The following ZBTB46 variants were observed in gnomAD, a reference collection of about 807,000 sequenced individuals.
ZBTB46 encodes the protein zinc finger and BTB domain-containing protein 46.
Under a neutral mutation model 44.1 loss-of-function variants are expected in ZBTB46, and 8 were observed. The observed-to-expected ratio is 0.18, with a 90% CI of 0.11 to 0.33. ZBTB46 has a LOEUF of 0.33. Among genes scored for constraint, ZBTB46 ranks in the 10% least tolerant of loss-of-function variants. The probability of loss-of-function intolerance (pLI) is 1.00; values close to 1 mark genes in which losing one functional copy is unlikely to be tolerated. For missense variants in ZBTB46, 651 were observed against 847.7 expected, an observed-to-expected ratio of 0.77 and a Z score of 2.88; for synonymous variants, 409 against 382.3, an observed-to-expected ratio of 1.07 and a Z score of -0.81.
chr20:63,754,881 G>T (rs2092205953), intron 3 of ZBTB46, among the ~76,000 whole-genome samples: 1 of 152,070 alleles, frequency 6.6e-6, no homozygotes, highest in African/African-American at 2.4e-5. Context: ...TTACAGGCGT[G>T]AGCCACCGCG....
At chr20:63,797,020 T>C (rs2092608951) in intron 1 of ZBTB46, among the ~76,000 whole-genome samples, 2 of 152,146 alleles carry the variant, frequency 1.3e-5, no homozygotes, top group South Asian at 4.1e-4. Context: ...TGTTTTTTTA[T>C]ATATACTTTA....
At chr20:63,775,307 G>C (rs1390838938) in intron 3 of ZBTB46, 1 of 205,272 alleles carries the variant, frequency 4.9e-6, no homozygotes, top group Non-Finnish European at 9.7e-6. Context: ...GAAGGCGACA[G>C]AGGGGCCGGC....
At chr20:63,831,700 C>T (rs1243585532), upstream of ZBTB46, among the ~76,000 whole-genome samples, 3 of 150,694 alleles carry the variant, frequency 2.0e-5, no homozygotes, top group Non-Finnish European at 3.0e-5. Context: ...GCGAGGGCAC[C>T]CGCTCCCTTC....
chr20:63,763,320 G>C (rs1420289998), intron 3 of ZBTB46, among the ~76,000 whole-genome samples: 1 of 151,978 alleles, frequency 6.6e-6, no homozygotes, highest in African/African-American at 2.4e-5. Flanking sequence ...ATCACGTATT[G>C]TATCGGGCCA....
chr20:63,772,514 T>A (rs1250977462), intron 3 of ZBTB46, among the ~76,000 whole-genome samples: 1 of 150,696 alleles, frequency 6.6e-6, no homozygotes, highest in Non-Finnish European at 1.5e-5. Context: ...AGCTCAGGAG[T>A]TCGAGACCAG....
chr20:63,817,524 G>C (rs1404904755), intron 1 of ZBTB46, among the ~76,000 whole-genome samples: 1 of 152,010 alleles, frequency 6.6e-6, no homozygotes, highest in African/African-American at 2.4e-5. Flanking sequence ...AGACCAGCCT[G>C]GGCAACATGG....
chr20:63,764,744 A>T (rs2092304635), intron 3 of ZBTB46, among the ~76,000 whole-genome samples: 1 of 150,084 alleles, frequency 6.7e-6, no homozygotes, highest in Admixed American at 6.7e-5. Flanking sequence ...CTGGGATTAC[A>T]GGTGTGTGCC....
rs1349084435 is a variant in ZBTB46 at position 63,803,508 on chromosome 20, C to A, written c.-33-12718G>T. ...GGACTTTAGGTTTTCCACATGGCAG[C>A]CCCCATGTGGCCATCTGAAGATGCA... On this transcript the variant is annotated intron_variant, in intron 1 of 4. Transcript: ENST00000245663. This position sits in a 1 kb window ranked among gnomAD's most constrained non-coding sequence, Gnocchi z 4.0. The A allele has an allele frequency of 1.0e-6, 1 of 985,224 alleles. No homozygotes were observed. Among genetic ancestry groups the A allele is most frequent in the Non-Finnish European group, 1.2e-6 (1 of 829,910 alleles). 61.0% of individuals were successfully genotyped at this position (985,224 alleles called of 1,614,324 possible). A position where few individuals can be genotyped will look rare whatever the true frequency, so the allele number is the denominator to read the frequency against.
At chr20:63,770,013 G>A (rs1032136903) in intron 3 of ZBTB46, among the ~76,000 whole-genome samples, 17 of 152,208 alleles carry the variant, frequency 1.1e-4, no homozygotes, top group Non-Finnish European at 2.2e-4. Context: ...TGAGCTTCAC[G>A]GGAGGCGGCA....
At chr20:63,792,223 G>C (rs2092566844) in intron 1 of ZBTB46, among the ~76,000 whole-genome samples, 1 of 152,086 alleles carries the variant, frequency 6.6e-6, no homozygotes, top group Non-Finnish European at 1.5e-5. Flanking sequence ...AAATCGTAAG[G>C]GGACACGTTC....
At chr20:63,810,423 T>A (rs1193129210) in intron 1 of ZBTB46, among the ~76,000 whole-genome samples, 1 of 152,022 alleles carries the variant, frequency 6.6e-6, no homozygotes, top group Non-Finnish European at 1.5e-5. Flanking sequence ...CCGACCACAC[T>A]CAGGATAGGC....
At chr20:63,794,812 C>T (rs1474926059) in intron 1 of ZBTB46, among the ~76,000 whole-genome samples, 2 of 152,356 alleles carry the variant, frequency 1.3e-5, no homozygotes, top group East Asian at 3.9e-4. Flanking sequence ...AACGGACACA[C>T]CCCTGGCCAC....
intron 4 of ZBTB46, among the ~76,000 whole-genome samples, chr20:63,751,881 C>G (rs778413305): frequency 6.6e-6 from 1 of 151,846 alleles, no homozygotes; most frequent in Non-Finnish European, 1.5e-5. Context: ...CGGTGGAGCT[C>G]GGCTCCTGCA....
rs1601506730 is a variant in ZBTB46, at chr20:63,803,287, G to A, written c.-33-12497C>T. 4 of 982,878 alleles carry A rather than the reference G, an allele frequency of 4.1e-6. No homozygotes were observed. The highest frequency in any genetic ancestry group is 4.8e-6 in the Non-Finnish European group (4 of 827,628). 60.9% of individuals were successfully genotyped at this position (982,878 alleles called of 1,614,324 possible). ...TCTGAAAAAATTAAGGTTAAGACAT[G>A]AATACTGTGAAACTGTCGTACAAAT... On this transcript the variant is annotated intron_variant, in intron 1 of 4. Coordinates refer to ENST00000245663, the MANE Select transcript of ZBTB46 (RefSeq NM_001369741.1). The surrounding 1 kb of genome is among the most constrained non-coding windows in gnomAD (Gnocchi z 4.0).
intron 2 of ZBTB46, among the ~76,000 whole-genome samples, chr20:63,776,281 C>T (rs762414662): frequency 1.3e-5 from 2 of 152,224 alleles, no homozygotes; most frequent in Non-Finnish European, 2.9e-5. Context: ...TGCTCCAGGG[C>T]CGAGGGCCTG....
At chr20:63,806,868 C>T (rs1465638633) in intron 1 of ZBTB46, among the ~76,000 whole-genome samples, 1 of 151,670 alleles carries the variant, frequency 6.6e-6, no homozygotes, top group Non-Finnish European at 1.5e-5. Context: ...CTGCAAGCTC[C>T]GCCTCCCAGG....
At chr20:63,769,243 G>T in intron 3 of ZBTB46, 1 of 985,432 alleles carries the variant, frequency 1.0e-6, no homozygotes, top group Non-Finnish European at 1.2e-6. Flanking sequence ...CCACCCTGGT[G>T]TCTTACCTGA....
At chr20:63,786,215 A>G (rs1204120694) in intron 2 of ZBTB46, among the ~76,000 whole-genome samples, 1 of 152,224 alleles carries the variant, frequency 6.6e-6, no homozygotes, top group Non-Finnish European at 1.5e-5. Context: ...AGCTAGTGGA[A>G]GATTATAAAC....
At chr20:63,783,961 G>T (rs1334399126) in intron 2 of ZBTB46, among the ~76,000 whole-genome samples, 1 of 152,198 alleles carries the variant, frequency 6.6e-6, no homozygotes, top group African/African-American at 2.4e-5. Context: ...ATTCCGTCGG[G>T]CACCAGGAGG....
Sources: gnomAD v4.1 joint callset for allele counts (sites outside exome capture counted in the v4.1 genomes callset) on GRCh38, gnomAD v4.1.1 for gene constraint, Gnocchi (gnomAD v3.1) non-coding constraint, MANE v1.5 for transcripts, NCBI Gene and HGNC (gene_info 2026-07-23, HGNC 2026-07-21) for gene names.